Variants in ALDH7A1 observed in about 807,000 individuals in gnomAD.
ALDH7A1 encodes aldehyde dehydrogenase 7 family member A1, also known as alpha-aminoadipic semialdehyde dehydrogenase.
ALDH7A1 carries 63 observed loss-of-function variants against 79.9 expected under a neutral mutation model. That is an observed-to-expected ratio of 0.79 (90% confidence interval 0.64 to 0.97). The LOEUF (loss-of-function observed/expected upper bound fraction) is 0.97, where lower values mean the gene tolerates loss of function less well. Ranked by LOEUF, ALDH7A1 falls within the 50% of genes least tolerant of loss-of-function variation. The probability of loss-of-function intolerance (pLI) is 0.00; values close to 1 mark genes in which losing one functional copy is unlikely to be tolerated. For synonymous variants in ALDH7A1, 240 were observed against 231.2 expected (o/e 1.04, Z -0.34); for missense variants, 627 against 665.2 (o/e 0.94, Z 0.63).
chr5:126,584,202 T>G (rs1218927650), intron 3 of ALDH7A1, among the ~76,000 whole-genome samples, 190 bp from the exon 4 acceptor site: 1 of 152,162 alleles, frequency 6.6e-6, no homozygotes, highest in Non-Finnish European at 1.5e-5. Flanking sequence ...AGCAAATATC[T>G]ACTGGAAGGC....
intron 11 of ALDH7A1, among the ~76,000 whole-genome samples, chr5:126,557,319 G>A (rs748976037): frequency 6.6e-6 from 1 of 152,170 alleles, no homozygotes; most frequent in Non-Finnish European, 1.5e-5. Context: ...GGGTGCGGTG[G>A]CTCACACCTG....
rs369380330 is a variant in ALDH7A1 at position 126,577,114 on chromosome 5, G to A, written c.615C>T (p.Asn205=). 1,127 of 1,614,152 alleles carry A rather than the reference G, an allele frequency of 7.0e-4. No individual in the cohort carries two copies. The highest frequency in any genetic ancestry group is 7.9e-4 in the Non-Finnish European group (933 of 1,180,030). ...CATTTCCACAGATCATGGCGATGGC[G>A]TTGTTCCAACCATACACTGCCACAG... ...NFPVAVYGWN[N]AIAMICGNVC... is the part of the protein sequence containing the mutation. Residue 205 remains asparagine (N), a synonymous_variant, in exon 6 of 18, where the codon AAC becomes AAT. Coordinates refer to ENST00000409134, the MANE Select transcript of ALDH7A1 (RefSeq NM_001182.5).
At chr5:126,556,113 C>CTA in intron 11 of ALDH7A1, 98 bp from the exon 12 acceptor site, 1 of 654,136 alleles carries the variant, frequency 1.5e-6, no homozygotes, top group South Asian at 2.2e-5. Context: ...ACTGTAATCT[C>CTA]TAAAAATATA....
chr5:126,588,967 CAGG>C (rs780925468), intron 3 of ALDH7A1: 1 of 152,154 alleles, frequency 6.6e-6, no homozygotes, highest in East Asian at 1.9e-4. Context: ...TGCTTGAGCC[CAGG>C]AGGTCAAAGC....
intron 9 of ALDH7A1, among the ~76,000 whole-genome samples, chr5:126,563,783 A>C (rs10043987): frequency 6.6e-6 from 1 of 151,732 alleles, no homozygotes; most frequent in African/African-American, 2.4e-5. Flanking sequence ...GAGCCATCGC[A>C]ACCGGCCCAC....
intron 9 of ALDH7A1, 40 bp downstream of exon 9, chr5:126,568,219 T>A: frequency 1.3e-6 from 2 of 1,593,650 alleles, no homozygotes; most frequent in Non-Finnish European, 1.7e-6. Context: ...ACCTCCATAT[T>A]TGAGAGAATT....
Position 126,544,989 on chromosome 5 carries a change from C to G in ALDH7A1, c.1596G>C (p.Leu532=). The change falls in exon 18 of 18, where the codon CTG becomes CTC. Residue 532 remains leucine, a synonymous_variant. Transcript: ENST00000409134. ...CTINYSKDLP[L]AQGIKFQ Reference sequence around the variant, plus strand: ...TTTACTGAAACTTGATTCCTTGGGCCAGAGGAAGGTCTTTACTGTAGTTGA... The same window carrying G: ...TTTACTGAAACTTGATTCCTTGGGCGAGAGGAAGGTCTTTACTGTAGTTGA... 6.2e-7 allele frequency: 1 copy of G among 1,610,684 alleles called. No individual in the cohort carries two copies. Among genetic ancestry groups the G allele is most frequent in the South Asian group, 1.1e-5 (1 of 90,990 alleles).
At chr5:126,592,836 T>A in intron 2 of ALDH7A1, 107 bp from the exon 3 acceptor site, 1 of 1,120,030 alleles carries the variant, frequency 8.9e-7, no homozygotes, top group Non-Finnish European at 1.3e-6. Flanking sequence ...TCTCTAGGGT[T>A]CCCTAACATT....
chr5:126,568,624 C>G (rs1037808690), intron 8 of ALDH7A1: 26 of 456,484 alleles, frequency 5.7e-5, no homozygotes, highest in Non-Finnish European at 1.0e-4. Flanking sequence ...CTTTCCTATA[C>G]TGAGTGAGTG....
rs376218130 is a variant in ALDH7A1, at chr5:126,565,132, T to C, written c.871+3127A>G. Among the ~76,000 whole-genome samples, 40 of 152,238 alleles carry C rather than the reference T, an allele frequency of 2.6e-4. 1 individual carries two copies. Among genetic ancestry groups the C allele is most frequent in the African/African-American group, 7.5e-4 (31 of 41,556 alleles). On this transcript the variant is annotated intron_variant, in intron 9 of 17. Coordinates refer to ENST00000409134, the MANE Select transcript of ALDH7A1 (RefSeq NM_001182.5). ...ATTCTAGGCCTGGTGCGGTGGCTTA[T>C]GCCTGTAATCCCAGCACTTCGGGAG...
chr5:126,585,112 A>C (rs1751316817), intron 3 of ALDH7A1, among the ~76,000 whole-genome samples: 1 of 152,158 alleles, frequency 6.6e-6, no homozygotes, highest in Non-Finnish European at 1.5e-5. Context: ...AGCCTGGCCA[A>C]CATGGTGAAA....
At chr5:126,559,407 CA>C in intron 10 of ALDH7A1, 73 bp from the exon 11 acceptor site, 1 of 958,400 alleles carries the variant, frequency 1.0e-6, no homozygotes. Context: ...TGGTATAAAA[CA>C]ATGTTGTTTT....
Position 126,576,141 on chromosome 5 carries a change from T to C in ALDH7A1, c.651-677A>G, listed in dbSNP as rs1360122689. Among the ~76,000 whole-genome samples the C allele has an allele frequency of 5.3e-5, 8 of 151,786 alleles. No individual in the cohort carries two copies. In the South Asian group the frequency reaches 1.7e-3, roughly 32 times the overall value. On this transcript the variant is annotated intron_variant, in intron 6 of 17. Transcript: ENST00000409134. ...AGCCGGGCGTGGTGGCAGACGCCTG[T>C]AGTCCCAGCTACTCGGGAGGCTGAG...
chr5:126,547,755 A>G lies in ALDH7A1; in HGVS notation c.1490-1356T>C, dbSNP rs1426800334. Among the ~76,000 whole-genome samples, 4 of 152,150 alleles carry G rather than the reference A, an allele frequency of 2.6e-5. No homozygotes were observed. The East Asian group carries it at 7.7e-4, about 29-fold the overall frequency. On this transcript the variant is annotated intron_variant, in intron 16 of 17. Transcript: ENST00000409134. ...AAAGGTAAATTTGCTTTTTTCTTTT[A>G]GTAAAAAGAATCTCGGCCAGGTACA... is the stretch of plus-strand genomic sequence containing the variant.
At chr5:126,575,502 T>G in intron 6 of ALDH7A1, 38 bp from the exon 7 acceptor site, 4 of 1,572,198 alleles carry the variant, frequency 2.5e-6, no homozygotes, top group Non-Finnish European at 3.5e-6. Context: ...AAAGAAAAAC[T>G]TATTTGACGG....
In ALDH7A1 at chr5:126,577,122, A is replaced by C. The variant is rs555896752; in HGVS notation, c.607T>G (p.Trp203Gly). The C allele has an allele frequency of 2.9e-5, 47 of 1,614,184 alleles. No individual in the cohort carries two copies. Among genetic ancestry groups the C allele is most frequent in the Non-Finnish European group, 3.9e-5 (46 of 1,180,038 alleles). The change falls in exon 6 of 18, where the codon TGG becomes GGG. Residue 203 changes from tryptophan (W) to glycine (G), a missense_variant. Transcript: ENST00000409134. ...AFNFPVAVYG[W>G]NNAIAMICGN... Reference sequence around the variant, plus strand: ...CAGATCATGGCGATGGCGTTGTTCCAACCATACACTGCCACAGGGAAATTG... The same window carrying C: ...CAGATCATGGCGATGGCGTTGTTCCCACCATACACTGCCACAGGGAAATTG...
intron 17 of ALDH7A1, among the ~76,000 whole-genome samples, chr5:126,545,934 G>A (rs1749770136): frequency 1.3e-5 from 2 of 152,084 alleles, no homozygotes; most frequent in Non-Finnish European, 2.9e-5. Flanking sequence ...CCAACACGGT[G>A]AAACCCAATC....
chr5:126,593,507 T>C (rs2112817476), intron 1 of ALDH7A1, 103 bp from the exon 2 acceptor site: 1 of 1,502,630 alleles, frequency 6.7e-7, no homozygotes, highest in East Asian at 2.3e-5. Context: ...AAAAATGATA[T>C]AATACCCAAA....
Position 126,544,918 on chromosome 5 carries a change from C to A in ALDH7A1, c.*47G>T, listed in dbSNP as rs777869197. The A allele has an allele frequency of 2.7e-5, 41 of 1,496,420 alleles. No individual in the cohort carries two copies. The South Asian group carries it at 4.4e-4, about 16-fold the overall frequency. The allele number at this position is 1,496,420 out of a possible 1,614,324, so 92.7% of individuals were successfully genotyped here. ...TAATTTTCTTTGTCTTCTCCAAAAA[C>A]AGCTGCTGGAACACCTCAAATTAAG... On this transcript the variant is annotated 3_prime_UTR_variant, in exon 18 of 18. Transcript: ENST00000409134.
Sources: gnomAD v4.1 joint callset for allele counts (sites outside exome capture counted in the v4.1 genomes callset) on GRCh38, gnomAD v4.1.1 for gene constraint, MANE v1.5 for transcripts, NCBI Gene and HGNC (gene_info 2026-07-23, HGNC 2026-07-21) for gene names.